The following MIPOL1 variants were observed in gnomAD, a reference collection of about 807,000 sequenced individuals.
The protein encoded by MIPOL1 is mirror-image polydactyly gene 1 protein.
MIPOL1 carries 57 observed loss-of-function variants against 60.9 expected under a neutral mutation model. The observed-to-expected ratio is 0.94, with a 90% CI of 0.76 to 1.17. MIPOL1 has a LOEUF of 1.17. Ranked by LOEUF, MIPOL1 falls within the 50% of genes most tolerant of loss-of-function variation. The pLI, the probability that MIPOL1 is intolerant of heterozygous loss-of-function variation, is 0.00. For synonymous variants in MIPOL1, 179 were observed against 168.8 expected (o/e 1.06, Z -0.47); for missense variants, 551 against 511.6 (o/e 1.08, Z -0.74).
At chr14:37,439,103 GATTATA>G (rs2094204479) in intron 11 of MIPOL1, among the ~76,000 whole-genome samples, 1 of 152,132 alleles carries the variant, frequency 6.6e-6, no homozygotes, top group Admixed American at 6.6e-5. Flanking sequence ...CCTTCAAATA[GATTATA>G]ATTAACTGGA....
At chr14:37,427,920 A>G (rs1473747544) in intron 11 of MIPOL1, among the ~76,000 whole-genome samples, 1 of 152,146 alleles carries the variant, frequency 6.6e-6, no homozygotes, top group East Asian at 1.9e-4. Flanking sequence ...CCTAAAACTA[A>G]CTGTAATTTT....
At chr14:37,462,365 C>G (rs1431993078) in intron 11 of MIPOL1, among the ~76,000 whole-genome samples, 1 of 152,166 alleles carries the variant, frequency 6.6e-6, no homozygotes, top group African/African-American at 2.4e-5. Flanking sequence ...CACAAAACCA[C>G]TTTTTCCTCC....
chr14:37,487,520 T>G (rs914996787), intron 11 of MIPOL1, among the ~76,000 whole-genome samples: 22 of 152,178 alleles, frequency 1.4e-4, no homozygotes, highest in Admixed American at 1.4e-3. Context: ...TCAGAACTTG[T>G]TATTGGTCTA....
At chr14:37,546,755 G>A in intron 12 of MIPOL1, 150 bp from the exon 13 acceptor site, 1 of 627,874 alleles carries the variant, frequency 1.6e-6, no homozygotes, top group Admixed American at 2.9e-5. Flanking sequence ...GCACTCTGTA[G>A]CAGTGTCTCT....
At chr14:37,255,861 C>T (rs116409871) in intron 3 of MIPOL1, among the ~76,000 whole-genome samples, 5,698 of 147,816 alleles carry the variant, frequency 0.039, 247 homozygotes, top group African/African-American at 0.11. Flanking sequence ...TTATATTTAT[C>T]TTTTGACAGA....
intron 10 of MIPOL1, among the ~76,000 whole-genome samples, chr14:37,386,382 A>G (rs1034332916): frequency 3.9e-5 from 6 of 152,006 alleles, no homozygotes; most frequent in African/African-American, 9.7e-5. Context: ...ACAGTAGCAG[A>G]CATTTCCATG....
chr14:37,344,422 C>T (rs888916252), intron 9 of MIPOL1, among the ~76,000 whole-genome samples: 3 of 150,998 alleles, frequency 2.0e-5, no homozygotes, highest in African/African-American at 4.9e-5. Context: ...TCTTTTTTTC[C>T]GTATATATAC....
chr14:37,494,675 A>G (rs1189442885), intron 11 of MIPOL1, among the ~76,000 whole-genome samples: 2 of 152,172 alleles, frequency 1.3e-5, no homozygotes, highest in African/African-American at 4.8e-5. Context: ...CTCTGTTTCC[A>G]TTTGTATCAG....
intron 10 of MIPOL1, among the ~76,000 whole-genome samples, chr14:37,372,555 A>G (rs1337888923): frequency 6.6e-6 from 1 of 152,026 alleles, no homozygotes. Context: ...AGAGTTCTAC[A>G]TCAGCCTGGC....
Position 37,268,779 on chromosome 14 carries a change from A to G in MIPOL1, c.373A>G (p.Thr125Ala), listed in dbSNP as rs746878270. The change falls in exon 5 of 13, where the codon ACA (threonine) becomes GCA (alanine). Residue 125 changes from threonine (T) to alanine (A), a missense_variant. Coordinates refer to ENST00000684589, the MANE Select transcript of MIPOL1 (RefSeq NM_001388067.1). ...FLLKELDILR[T>A]SNKKLQQKLA... ...TCTAAAAGAATTGGATATTCTCAGA[A>G]CAAGCAATAAAAAGGTATAATATGG... 11 of 1,581,030 alleles carry G rather than the reference A, an allele frequency of 7.0e-6. No homozygotes were observed. The highest frequency in any genetic ancestry group is 9.5e-6 in the Non-Finnish European group (11 of 1,160,858).
At position 37,430,514 on chromosome 14, in the gene MIPOL1, A is replaced by ATTTT. The variant is rs1566591124; in HGVS notation, c.1031+7565_1031+7566insTTTT. ...AAAATTAAAATAGTTTTTTTTTTTA[A>ATTTT]AAAAAAGTATACATTTTCTGTATGT... On this transcript the variant is annotated intron_variant, in intron 11 of 12. Coordinates refer to ENST00000684589, the MANE Select transcript of MIPOL1 (RefSeq NM_001388067.1). 0.011 allele frequency among the ~76,000 whole-genome samples: 196 copies of ATTTT among 17,454 alleles called. No homozygotes were observed. In the South Asian group the frequency reaches 0.13, roughly 11 times the overall value. 11.5% of individuals were successfully genotyped at this position (17,454 alleles called of 152,430 possible).
chr14:37,368,298 T>C (rs1490485721), intron 9 of MIPOL1, among the ~76,000 whole-genome samples: 1 of 152,098 alleles, frequency 6.6e-6, no homozygotes, highest in Non-Finnish European at 1.5e-5. Flanking sequence ...AAACATCATT[T>C]TGCAATCTAA....
At chr14:37,212,840 T>C (rs558629846) in intron 1 of MIPOL1, among the ~76,000 whole-genome samples, 1 of 152,248 alleles carries the variant, frequency 6.6e-6, no homozygotes, top group South Asian at 2.1e-4. Flanking sequence ...CTTATGTCAC[T>C]TTACCCCCAG....
At chr14:37,380,532 C>A (rs1002471531) in intron 10 of MIPOL1, among the ~76,000 whole-genome samples, 2 of 152,034 alleles carry the variant, frequency 1.3e-5, no homozygotes, top group African/African-American at 2.4e-5. Context: ...TGATGAGATG[C>A]AGATGAAACA....
chr14:37,312,042 A>G (rs1461521011), intron 9 of MIPOL1, among the ~76,000 whole-genome samples: 1 of 126,374 alleles, frequency 7.9e-6, no homozygotes, highest in African/African-American at 2.8e-5. Context: ...TTTTCTCATG[A>G]TTAAAGTGAG....
intron 12 of MIPOL1, among the ~76,000 whole-genome samples, chr14:37,517,206 C>A: frequency 6.6e-6 from 1 of 152,186 alleles, no homozygotes; most frequent in South Asian, 2.1e-4. Flanking sequence ...AAATGAAATG[C>A]GTGTGCCTAA....
chr14:37,266,725 C>T (rs2082902363), intron 3 of MIPOL1, among the ~76,000 whole-genome samples: 1 of 152,170 alleles, frequency 6.6e-6, no homozygotes, highest in Non-Finnish European at 1.5e-5. Flanking sequence ...CTGCTTCAGA[C>T]TCTTAAGTCC....
chr14:37,221,935 A>T (rs1300867365), intron 1 of MIPOL1, among the ~76,000 whole-genome samples: 1 of 145,132 alleles, frequency 6.9e-6, no homozygotes, highest in African/African-American at 2.7e-5. Context: ...TTGTTCCAGC[A>T]TAAACTCAAA....
Position 37,452,126 on chromosome 14 carries a change from T to A in MIPOL1, c.1031+29177T>A, listed in dbSNP as rs144689919. Among the ~76,000 whole-genome samples, 656 of 152,216 alleles carry A rather than the reference T, an allele frequency of 4.3e-3. 4 individuals are homozygous for A. The highest frequency in any genetic ancestry group is 0.015 in the African/African-American group (631 of 41,534). On this transcript the variant is annotated intron_variant, in intron 11 of 12. Transcript: ENST00000684589. Reference sequence around the variant, plus strand: ...CACCGCGCCCGGCCTGTTTATTCTCTTTGCCTAGCACTTGACCATTAAAGA... The same window carrying A: ...CACCGCGCCCGGCCTGTTTATTCTCATTGCCTAGCACTTGACCATTAAAGA...
Sources: gnomAD v4.1 joint callset for allele counts (sites outside exome capture counted in the v4.1 genomes callset) on GRCh38, gnomAD v4.1.1 for gene constraint, MANE v1.5 for transcripts, NCBI Gene and HGNC (gene_info 2026-07-23, HGNC 2026-07-21) for gene names.